Variants in ANKS6 observed in about 807,000 individuals in gnomAD.
The protein encoded by ANKS6 is ankyrin repeat and sterile alpha motif domain containing 6, also known as ankyrin repeat and SAM domain-containing protein 6.
Under a neutral mutation model 77.9 loss-of-function variants are expected in ANKS6, and 47 were observed. The ratio of observed to expected loss-of-function variants is 0.60; its 90% CI spans 0.48 to 0.77. ANKS6 has a LOEUF of 0.77. ANKS6 is among the 30% of genes least tolerant of loss of function. The pLI is 0.00. For missense variants in ANKS6, 1,150 were observed against 1,159.1 expected (o/e 0.99, Z 0.11); for synonymous variants, 488 against 501.7 (o/e 0.97, Z 0.37).
In ANKS6 at chr9:98,767,645, C is replaced by G. The variant is rs952436272; in HGVS notation, c.2142+436G>C. ...AGGACAACAAAGACCACTAAGAACG[C>G]TGTCAACAGGAACAGCCAACACGGA... On this transcript the variant is annotated intron_variant, in intron 11 of 14. Transcript: ENST00000353234. 1.1e-4 allele frequency among the ~76,000 whole-genome samples: 16 copies of G among 152,364 alleles called. No homozygotes were observed. The East Asian group carries it at 2.7e-3, about 26-fold the overall frequency.
chr9:98,745,406 G>C (rs986247376), intron 14 of ANKS6, among the ~76,000 whole-genome samples, 153 bp downstream of exon 14: 1 of 152,212 alleles, frequency 6.6e-6, no homozygotes, highest in Non-Finnish European at 1.5e-5. Context: ...AAACCTTACG[G>C]GGGAAGTCCG....
intron 1 of ANKS6, among the ~76,000 whole-genome samples, chr9:98,794,148 C>CA (rs375021953): frequency 0.31 from 34,208 of 109,804 alleles, 5,963 homozygotes; most frequent in South Asian, 0.37. Flanking sequence ...GACTCCGTCT[C>CA]AAAAAAAAAA....
intron 10 of ANKS6, among the ~76,000 whole-genome samples, chr9:98,769,414 C>T (rs1485591828): frequency 6.6e-6 from 1 of 151,996 alleles, no homozygotes; most frequent in Non-Finnish European, 1.5e-5. Context: ...GAAGGTATTA[C>T]GTAGGGAGGT....
Position 98,733,713 on chromosome 9 carries a change from A to G in ANKS6, c.*2806T>C. On this transcript the variant is annotated 3_prime_UTR_variant, in exon 15 of 15. Coordinates refer to ENST00000353234, the MANE Select transcript of ANKS6 (RefSeq NM_173551.5). ...TTGGCCCTGTGAAGAGGCCTGACCC[A>G]TGCTGGCATGCTGAAGGTTGTGAGA... is the stretch of plus-strand genomic sequence containing the variant. 1 of 985,474 alleles carries G rather than the reference A, an allele frequency of 1.0e-6. No homozygotes were observed. The highest frequency in any genetic ancestry group is 1.2e-6 in the Non-Finnish European group (1 of 829,966). 61.0% of individuals were successfully genotyped at this position (985,474 alleles called of 1,614,324 possible).
chr9:98,734,638 CCTT>C lies in ANKS6; in HGVS notation c.*1878_*1880del. On this transcript the variant is annotated 3_prime_UTR_variant, in exon 15 of 15. Coordinates refer to ENST00000353234, the MANE Select transcript of ANKS6 (RefSeq NM_173551.5). ...GTCCGGTTCTGACCCCAGATCTGCT[CCTT>C]CTGGGCTGTTTAACTGGCAAGCTGC... 1.0e-6 allele frequency: 1 copy of C among 954,656 alleles called. No homozygotes were observed. The highest frequency in any genetic ancestry group is 1.2e-6 in the Non-Finnish European group (1 of 802,064). The allele number at this position is 954,656 out of a possible 1,614,324, so 59.1% of individuals were successfully genotyped here.
chr9:98,793,272 G>C (rs1835001229), intron 1 of ANKS6, among the ~76,000 whole-genome samples: 1 of 152,248 alleles, frequency 6.6e-6, no homozygotes, highest in Non-Finnish European at 1.5e-5. Flanking sequence ...TCAGTTACAG[G>C]ATTCATGGCT....
At chr9:98,769,777 G>A (rs757424321) in intron 10 of ANKS6, among the ~76,000 whole-genome samples, 11 of 152,148 alleles carry the variant, frequency 7.2e-5, no homozygotes, top group Non-Finnish European at 1.6e-4. Context: ...AAACAGAGGT[G>A]GTAACTTCAC....
At chr9:98,782,370 A>C in intron 5 of ANKS6, 97 bp downstream of exon 5, 2 of 1,111,344 alleles carry the variant, frequency 1.8e-6, no homozygotes, top group Non-Finnish European at 2.7e-6. Context: ...CGAATAAGCA[A>C]GTGCTTAAAA....
chr9:98,782,010 C>T (rs550860332), intron 5 of ANKS6, among the ~76,000 whole-genome samples: 84 of 152,222 alleles, frequency 5.5e-4, no homozygotes, highest in African/African-American at 1.8e-3. Context: ...GTGGAACTAA[C>T]GGCTACATTC....
intron 13 of ANKS6, among the ~76,000 whole-genome samples, chr9:98,749,675 A>G (rs1832326383): frequency 6.6e-6 from 1 of 152,254 alleles, no homozygotes; most frequent in African/African-American, 2.4e-5. Flanking sequence ...GCAGGCAGCG[A>G]TCAGCAATAC....
intron 11 of ANKS6, among the ~76,000 whole-genome samples, chr9:98,767,849 G>T (rs973977709): frequency 2.0e-5 from 3 of 152,352 alleles, no homozygotes; most frequent in Non-Finnish European, 4.4e-5. Flanking sequence ...TGTGTACCCT[G>T]CCACTGTGCA....
At chr9:98,782,234 A>G (rs1834309924) in intron 5 of ANKS6, among the ~76,000 whole-genome samples, 1 of 152,042 alleles carries the variant, frequency 6.6e-6, no homozygotes, top group Non-Finnish European at 1.5e-5. Flanking sequence ...AGAGACTCCT[A>G]GGAGGTTGGT....
Position 98,736,325 on chromosome 9 carries a change from T to G in ANKS6, c.*194A>C. The stretch of plus-strand genomic sequence containing the variant: ...CCCACTGGACTGTTACATGGGAATC[T>G]GTCTCTGTGTGTTGAAGTTTGTTGC... On this transcript the variant is annotated 3_prime_UTR_variant, in exon 15 of 15. Coordinates refer to ENST00000353234, the MANE Select transcript of ANKS6 (RefSeq NM_173551.5). 7.1e-7 allele frequency: 1 copy of G among 1,411,220 alleles called. No individual in the cohort carries two copies. The highest frequency in any genetic ancestry group is 2.6e-5 in the East Asian group (1 of 38,738). The allele number at this position is 1,411,220 out of a possible 1,614,324, so 87.4% of individuals were successfully genotyped here. A position where few individuals can be genotyped will look rare whatever the true frequency, so the allele number is the denominator to read the frequency against.
At chr9:98,742,685 G>A (rs1216426681) in intron 14 of ANKS6, among the ~76,000 whole-genome samples, 2 of 152,116 alleles carry the variant, frequency 1.3e-5, no homozygotes, top group East Asian at 3.9e-4. Flanking sequence ...GTGGGATTGA[G>A]TGGTGCCTTT....
At chr9:98,746,529 C>T (rs910552935) in intron 13 of ANKS6, among the ~76,000 whole-genome samples, 2 of 147,890 alleles carry the variant, frequency 1.4e-5, no homozygotes, top group African/African-American at 2.5e-5. Context: ...ATGACATTGG[C>T]GGGGTAGATC....
intron 14 of ANKS6, among the ~76,000 whole-genome samples, chr9:98,742,336 G>C (rs1191030916): frequency 6.6e-6 from 1 of 152,256 alleles, no homozygotes. Context: ...TCTGAAGGCT[G>C]TAAGGGCAGT....
chr9:98,735,680 G>T lies in ANKS6; in HGVS notation c.*839C>A. 8.1e-7 allele frequency: 1 copy of T among 1,231,708 alleles called. No homozygotes were observed. 76.3% of individuals were successfully genotyped at this position (1,231,708 alleles called of 1,614,324 possible). ...GGAGTACCAGAGCATCATCTGGTCT[G>T]ACCTTCCACTTTGCAGATAAGGAAA... On this transcript the variant is annotated 3_prime_UTR_variant, in exon 15 of 15. Transcript: ENST00000353234.
intron 11 of ANKS6, among the ~76,000 whole-genome samples, chr9:98,765,404 T>C (rs998469174): frequency 6.6e-6 from 1 of 152,244 alleles, no homozygotes; most frequent in African/African-American, 2.4e-5. Context: ...TGTGCTCTCC[T>C]GCCACAGGCA....
At chr9:98,790,643 A>G (rs754437840) in intron 1 of ANKS6, 37 bp from the exon 2 acceptor site, 3 of 1,576,256 alleles carry the variant, frequency 1.9e-6, no homozygotes, top group Admixed American at 3.4e-5. Context: ...CACTGAACAC[A>G]CAGCACTCGG....
Sources: allele counts gnomAD v4.1 joint callset (sites outside exome capture counted in the v4.1 genomes callset), GRCh38; gene constraint gnomAD v4.1.1; transcripts MANE v1.5; gene names NCBI Gene and HGNC (gene_info 2026-07-23, HGNC 2026-07-21).